The following GDAP1 variants were observed in gnomAD, a reference collection of about 807,000 sequenced individuals.
GDAP1 encodes ganglioside induced differentiation associated protein 1, also known as ganglioside-induced differentiation-associated protein 1.
Under a neutral mutation model 40.1 loss-of-function variants are expected in GDAP1, and 34 were observed. The observed-to-expected ratio is 0.85, with a 90% CI of 0.64 to 1.13. The LOEUF (loss-of-function observed/expected upper bound fraction) is 1.13. GDAP1 is among the 50% of genes most tolerant of loss of function. The probability of loss-of-function intolerance (pLI) is 0.00; values close to 1 mark genes in which losing one functional copy is unlikely to be tolerated. For synonymous variants in GDAP1, 170 were observed against 157.4 expected (o/e 1.08, Z -0.60); for missense variants, 374 against 433.7 (o/e 0.86, Z 1.22).
At chr8:74,381,563 C>T (rs982762377) in intron 2 of GDAP1, among the ~76,000 whole-genome samples, 2 of 152,060 alleles carry the variant, frequency 1.3e-5, no homozygotes, top group South Asian at 4.1e-4. Context: ...CGAGACCAGC[C>T]TGGCCAACAT....
Position 74,364,410 on chromosome 8 carries a change from C to G in GDAP1, c.*43C>G. The G allele has an allele frequency of 6.3e-7, 1 of 1,594,138 alleles. No individual in the cohort carries two copies. On this transcript the variant is annotated 3_prime_UTR_variant, in exon 6 of 6. Transcript: ENST00000220822. ...CGTGGCAGCTCATCCAAGCATTTAGCTAGACCCTGTGATTGCCCGTGGCTC... is the reference window on the plus strand; with the variant it reads ...CGTGGCAGCTCATCCAAGCATTTAGGTAGACCCTGTGATTGCCCGTGGCTC...
chr8:74,361,167 T>A (rs1405606282), intron 3 of GDAP1, among the ~76,000 whole-genome samples: 1 of 152,116 alleles, frequency 6.6e-6, no homozygotes, highest in East Asian at 1.9e-4. Context: ...AAATACCCTT[T>A]ATAGTATTTG....
chr8:74,462,771 A>T (rs2131580545), intron 2 of GDAP1, among the ~76,000 whole-genome samples: 1 of 152,104 alleles, frequency 6.6e-6, no homozygotes, highest in African/African-American at 2.4e-5. Context: ...GAATCCTAGA[A>T]TTTTTTTTAT....
At chr8:74,448,775 G>C (rs559854527) in intron 2 of GDAP1, among the ~76,000 whole-genome samples, 3 of 151,950 alleles carry the variant, frequency 2.0e-5, no homozygotes, top group Non-Finnish European at 2.9e-5. Context: ...TAAGAATTAC[G>C]TAGTCTGTTA....
intron 2 of GDAP1, among the ~76,000 whole-genome samples, chr8:74,405,684 G>T (rs920669707): frequency 9.3e-5 from 14 of 150,078 alleles, no homozygotes; most frequent in Admixed American, 9.2e-4. Flanking sequence ...TATTTTGAGT[G>T]AATAGATAGT....
chr8:74,447,081 A>C (rs1448536139), intron 2 of GDAP1, among the ~76,000 whole-genome samples: 1 of 152,146 alleles, frequency 6.6e-6, no homozygotes, highest in Non-Finnish European at 1.5e-5. Flanking sequence ...TTCCTAAATA[A>C]AAGATTAATT....
chr8:74,418,427 T>C (rs1448098782), intron 2 of GDAP1, among the ~76,000 whole-genome samples: 1 of 152,188 alleles, frequency 6.6e-6, no homozygotes, highest in Non-Finnish European at 1.5e-5. Flanking sequence ...GCAAAGGCAA[T>C]TTAGCAGAGA....
chr8:74,353,513 A>G (rs112806667), intron 2 of GDAP1, among the ~76,000 whole-genome samples: 1 of 152,226 alleles, frequency 6.6e-6, no homozygotes, highest in South Asian at 2.1e-4. Context: ...CAGCGTTATC[A>G]CAATTATAAT....
chr8:74,355,114 T>G (rs1026201419), intron 2 of GDAP1, among the ~76,000 whole-genome samples: 1 of 152,026 alleles, frequency 6.6e-6, no homozygotes, highest in Non-Finnish European at 1.5e-5. Context: ...GTAGCTGAGG[T>G]CACCCTTTTC....
At chr8:74,488,123 A>C (rs1208727945) in intron 2 of GDAP1, among the ~76,000 whole-genome samples, 1 of 152,130 alleles carries the variant, frequency 6.6e-6, no homozygotes, top group East Asian at 1.9e-4. Context: ...TCTACTAATA[A>C]AATATTAGAG....
intron 2 of GDAP1, among the ~76,000 whole-genome samples, chr8:74,428,025 G>A (rs1315328041): frequency 6.6e-6 from 1 of 152,106 alleles, no homozygotes; most frequent in East Asian, 1.9e-4. Context: ...AATCCCCAGA[G>A]ACAACAGTAC....
Position 74,414,929 on chromosome 8 carries a change from A to G in GDAP1, c.165+63608A>G, listed in dbSNP as rs1389832554. 1.3e-5 allele frequency among the ~76,000 whole-genome samples: 2 copies of G among 150,232 alleles called. 1 individual carries two copies. Among genetic ancestry groups the G allele is most frequent in the African/African-American group, 5.1e-5 (2 of 39,538 alleles). Reference sequence around the variant, plus strand: ...ACTAAAGACGAAAAAAATTATTCAAAGCAAACAGAGAAAAAAAGGTGTTAC... The same window carrying G: ...ACTAAAGACGAAAAAAATTATTCAAGGCAAACAGAGAAAAAAAGGTGTTAC... On this transcript the variant is annotated intron_variant, in intron 2 of 2. Coordinates refer to the GDAP1 transcript ENST00000523640.
intron 2 of GDAP1, among the ~76,000 whole-genome samples, chr8:74,446,423 C>T (rs1806227681): frequency 6.6e-6 from 1 of 152,138 alleles, no homozygotes; most frequent in Non-Finnish European, 1.5e-5. Context: ...TGCTGGAGAC[C>T]AGGCCAGGGA....
intron 2 of GDAP1, among the ~76,000 whole-genome samples, chr8:74,354,679 C>T (rs13278617): frequency 0.7 from 106,337 of 152,120 alleles, 37,380 homozygotes; most frequent in South Asian, 0.77. Context: ...TAGTAAGTTA[C>T]CAATGTTAAA....
At chr8:74,366,964 A>G, downstream of GDAP1, 1 of 343,142 alleles carries the variant, frequency 2.9e-6, no homozygotes, top group South Asian at 2.4e-5. Context: ...AGGGTAAAAT[A>G]AGCAGAGGTT....
intron 2 of GDAP1, among the ~76,000 whole-genome samples, chr8:74,357,095 T>C (rs1297747205): frequency 2.0e-5 from 3 of 152,224 alleles, no homozygotes; most frequent in Non-Finnish European, 4.4e-5. Flanking sequence ...ATGCATATTA[T>C]ATACTGATGC....
chr8:74,429,397 A>G (rs1200832440), intron 2 of GDAP1, among the ~76,000 whole-genome samples: 2 of 152,184 alleles, frequency 1.3e-5, no homozygotes, highest in African/African-American at 4.8e-5. Context: ...ACCCTTCAAA[A>G]TAGTATATGT....
chr8:74,396,099 A>AC (rs1182774002), intron 2 of GDAP1, among the ~76,000 whole-genome samples: 1 of 152,156 alleles, frequency 6.6e-6, no homozygotes, highest in Non-Finnish European at 1.5e-5. Context: ...GAGTTTGAGA[A>AC]CCACTGCTTT....
At chr8:74,362,796 T>G in intron 4 of GDAP1, 143 bp from the exon 5 acceptor site, 1 of 425,216 alleles carries the variant, frequency 2.4e-6, no homozygotes, top group South Asian at 3.9e-5. Flanking sequence ...TTTTTTTTTT[T>G]TTTTTTTTGC....
Sources: allele counts gnomAD v4.1 joint callset (sites outside exome capture counted in the v4.1 genomes callset), GRCh38; gene constraint gnomAD v4.1.1; transcripts MANE v1.5; gene names NCBI Gene and HGNC (gene_info 2026-07-23, HGNC 2026-07-21).